Variants in SGCD observed in about 807,000 individuals in gnomAD.
The protein encoded by SGCD is sarcoglycan delta.
Under a neutral mutation model 36.6 loss-of-function variants are expected in SGCD, and 18 were observed. That is an observed-to-expected ratio of 0.49 (90% CI 0.34 to 0.73). The LOEUF (loss-of-function observed/expected upper bound fraction) is 0.73. Among genes scored for constraint, SGCD ranks in the 30% least tolerant of loss-of-function variants. The pLI is 0.01. For missense variants in SGCD, 387 were observed against 346.7 expected (o/e 1.12, Z -0.92); for synonymous variants, 133 against 130.6 (o/e 1.02, Z -0.12).
the SGCD span, among the ~76,000 whole-genome samples, chr5:155,745,078 T>C: frequency 6.6e-6 from 1 of 152,180 alleles, no homozygotes; most frequent in Non-Finnish European, 1.5e-5. Flanking sequence ...TCTGGAATAA[T>C]GTCTTCAAAG....
intron 4 of SGCD, among the ~76,000 whole-genome samples, chr5:156,538,422 G>A (rs1023624544): frequency 1.3e-5 from 2 of 151,824 alleles, no homozygotes; most frequent in Non-Finnish European, 2.9e-5. Context: ...TGTGCCTGGC[G>A]ACTTCTCATT....
rs994438103 is a variant in SGCD, at chr5:155,920,262, A to T, written c.-282+49838A>T. Among the ~76,000 whole-genome samples, 3 of 152,198 alleles carry T rather than the reference A, an allele frequency of 2.0e-5. No individual in the cohort carries two copies. The East Asian group carries it at 5.8e-4, about 29-fold the overall frequency. On this transcript the variant is annotated intron_variant, in intron 1 of 9. Transcript: ENST00000517913. ...AAGATTAATCTGTAAGCTATTTAGGAAGTAGAATTGACAATACTTATTGAG... is the reference window on the plus strand; with the variant it reads ...AAGATTAATCTGTAAGCTATTTAGGTAGTAGAATTGACAATACTTATTGAG...
At chr5:156,276,383 T>G (rs1441771781) in intron 3 of SGCD, among the ~76,000 whole-genome samples, 1 of 152,150 alleles carries the variant, frequency 6.6e-6, no homozygotes, top group Non-Finnish European at 1.5e-5. Flanking sequence ...CGACCAAGGT[T>G]TTCAGCTTTT....
At chr5:156,356,261 C>T (rs1368112555) in intron 3 of SGCD, among the ~76,000 whole-genome samples, 1 of 152,088 alleles carries the variant, frequency 6.6e-6, no homozygotes, top group Admixed American at 6.6e-5. Flanking sequence ...ATGTCTAGCA[C>T]CTTAGCTGGG....
At chr5:156,604,892 A>G (rs1410981735) in intron 6 of SGCD, among the ~76,000 whole-genome samples, 2 of 150,400 alleles carry the variant, frequency 1.3e-5, no homozygotes, top group Non-Finnish European at 1.5e-5. Context: ...TATTATGTGT[A>G]TGTTTCTTAA....
intron 3 of SGCD, among the ~76,000 whole-genome samples, chr5:156,399,521 T>C (rs1479105750): frequency 6.6e-6 from 1 of 152,186 alleles, no homozygotes; most frequent in Non-Finnish European, 1.5e-5. Flanking sequence ...GACCATGACC[T>C]TTCCAGGGCT....
At chr5:156,457,694 C>A (rs1175084064) in intron 3 of SGCD, among the ~76,000 whole-genome samples, 1 of 152,184 alleles carries the variant, frequency 6.6e-6, no homozygotes, top group Non-Finnish European at 1.5e-5. Flanking sequence ...AAAGCTGAAT[C>A]CTTTCCCTAT....
intron 7 of SGCD, among the ~76,000 whole-genome samples, chr5:156,693,324 A>C (rs960922640): frequency 6.6e-6 from 1 of 152,092 alleles, no homozygotes; most frequent in Non-Finnish European, 1.5e-5. Context: ...TTCATTAATC[A>C]TTTGCTTTTC....
chr5:156,030,033 T>C (rs901668668), intron 1 of SGCD, among the ~76,000 whole-genome samples: 1 of 152,156 alleles, frequency 6.6e-6, no homozygotes, highest in Non-Finnish European at 1.5e-5. Context: ...AATTTTGTGC[T>C]CAGATACTAG....
At position 155,981,337 on chromosome 5, in the gene SGCD, C is replaced by A. The variant is rs147049547; in HGVS notation, c.-282+110913C>A. ...GCTGGTGGACCTGAGCTCAAAATAC[C>A]CCAGCAGGTGTGGGTATAATTGGTT... On this transcript the variant is annotated intron_variant, in intron 1 of 9. Transcript: ENST00000517913. 7.2e-5 allele frequency among the ~76,000 whole-genome samples: 11 copies of A among 152,206 alleles called. No individual in the cohort carries two copies. In the East Asian group the frequency reaches 1.9e-3, roughly 27 times the overall value.
rs898774211 is a variant in SGCD at position 156,765,925 on chromosome 5, T to A, written c.*6535T>A. On this transcript the variant is annotated 3_prime_UTR_variant, in exon 9 of 9. Coordinates refer to ENST00000337851, the MANE Select transcript of SGCD (RefSeq NM_000337.6). ...TAGTCTCTCACAGTGACAGCATCTATACTAAAGTATAGATACCTAAGGGGA... is the reference window on the plus strand; with the variant it reads ...TAGTCTCTCACAGTGACAGCATCTAAACTAAAGTATAGATACCTAAGGGGA... The A allele has an allele frequency of 6.6e-6, 1 of 151,736 alleles. No homozygotes were observed. The highest frequency in any genetic ancestry group is 2.4e-5 in the African/African-American group (1 of 41,262). The allele number at this position is 151,736 out of a possible 1,614,324, so 9.4% of individuals were successfully genotyped here.
the SGCD span, among the ~76,000 whole-genome samples, chr5:155,831,964 T>G: frequency 2.6e-5 from 4 of 152,198 alleles, no homozygotes; most frequent in African/African-American, 9.6e-5. Flanking sequence ...AGTGTCCTCT[T>G]TGGAATCAGG....
At chr5:156,674,506 G>A (rs1488473941) in intron 7 of SGCD, among the ~76,000 whole-genome samples, 2 of 152,196 alleles carry the variant, frequency 1.3e-5, no homozygotes, top group African/African-American at 4.8e-5. Flanking sequence ...ATGGACTGAA[G>A]TGGTAAACGA....
intron 7 of SGCD, among the ~76,000 whole-genome samples, chr5:156,750,025 G>A (rs1288135298): frequency 6.6e-6 from 1 of 151,990 alleles, no homozygotes; most frequent in Non-Finnish European, 1.5e-5. Flanking sequence ...ACAAAGTTGG[G>A]CTCAAGCCAA....
chr5:156,021,350 A>G (rs1411314235), intron 1 of SGCD, among the ~76,000 whole-genome samples: 1 of 152,158 alleles, frequency 6.6e-6, no homozygotes, highest in African/African-American at 2.4e-5. Context: ...AAACACCTTA[A>G]TTAGCCAAGC....
chr5:155,878,975 T>G (rs1451095813), intron 1 of SGCD, among the ~76,000 whole-genome samples: 1 of 152,084 alleles, frequency 6.6e-6, no homozygotes, highest in East Asian at 1.9e-4. Flanking sequence ...TGAATTTTTA[T>G]GAGTAAGTTT....
intron 1 of SGCD, among the ~76,000 whole-genome samples, chr5:156,042,784 T>C (rs1030145239): frequency 7.9e-5 from 12 of 152,162 alleles, no homozygotes; most frequent in African/African-American, 2.9e-4. Context: ...TTAGGTTCTG[T>C]AAATGTTATC....
chr5:156,463,676 T>C (rs1359422167), intron 3 of SGCD, among the ~76,000 whole-genome samples: 1 of 152,136 alleles, frequency 6.6e-6, no homozygotes, highest in African/African-American at 2.4e-5. Context: ...TTCACTTACT[T>C]CACTCCAGAT....
At chr5:156,529,212 GTCAAGAGA>G (rs1255925089) in intron 4 of SGCD, among the ~76,000 whole-genome samples, 9 of 152,022 alleles carry the variant, frequency 5.9e-5, no homozygotes, top group Non-Finnish European at 1.0e-4. Context: ...GGATAACGAG[GTCAAGAGA>G]TCAAGACCAT....
Sources: allele counts gnomAD v4.1 joint callset (sites outside exome capture counted in the v4.1 genomes callset), GRCh38; gene constraint gnomAD v4.1.1; transcripts MANE v1.5; gene names NCBI Gene and HGNC (gene_info 2026-07-23, HGNC 2026-07-21).